Variants in TESK2 observed in about 807,000 individuals in gnomAD.
TESK2 encodes the protein testis associated actin remodelling kinase 2, also known as dual specificity testis-specific protein kinase 2.
A neutral mutation model predicts 57.1 loss-of-function variants in TESK2; 39 were observed. The ratio of observed to expected loss-of-function variants is 0.68; its 90% confidence interval spans 0.53 to 0.89. The LOEUF (loss-of-function observed/expected upper bound fraction) is 0.89. Ranked by LOEUF, TESK2 falls within the 40% of genes least tolerant of loss-of-function variation. The pLI is 0.00. For missense variants in TESK2, 646 were observed against 732.1 expected (o/e 0.88, Z 1.36); for synonymous variants, 249 against 267.9 (o/e 0.93, Z 0.69).
In TESK2 at chr1:45,368,080, C is replaced by T. The variant is rs188169579; in HGVS notation, c.394-12631G>A. On this transcript the variant is annotated intron_variant, in intron 4 of 10. Coordinates refer to ENST00000372086, the MANE Select transcript of TESK2 (RefSeq NM_007170.3). ...CGCGATCTTGGCTCACTGCAACCTCCGCCTCCTGGGTTCAAATGATTCTCC... is the reference window on the plus strand; with the variant it reads ...CGCGATCTTGGCTCACTGCAACCTCTGCCTCCTGGGTTCAAATGATTCTCC... 5.9e-3 allele frequency among the ~76,000 whole-genome samples: 871 copies of T among 148,830 alleles called. 9 individuals carry two copies. The highest frequency in any genetic ancestry group is 0.02 in the African/African-American group (826 of 40,408).
chr1:45,359,343 T>A (rs1419053600), intron 4 of TESK2, among the ~76,000 whole-genome samples: 1 of 151,932 alleles, frequency 6.6e-6, no homozygotes, highest in Non-Finnish European at 1.5e-5. Context: ...GCAGATCACC[T>A]AAGGTCAGGA....
intron 3 of TESK2, among the ~76,000 whole-genome samples, chr1:45,417,011 C>T (rs980312808): frequency 4.3e-4 from 66 of 151,906 alleles, no homozygotes; most frequent in African/African-American, 1.6e-3. Context: ...TGGTCTCGAT[C>T]TCTTGACCTC....
intron 9 of TESK2, among the ~76,000 whole-genome samples, chr1:45,346,229 T>C (rs1647141899): frequency 6.6e-6 from 1 of 152,308 alleles, no homozygotes; most frequent in Admixed American, 6.5e-5. Flanking sequence ...CTTCCAAAAG[T>C]ATGCTCATAT....
chr1:45,368,363 T>G (rs529172665), intron 4 of TESK2, among the ~76,000 whole-genome samples: 47 of 132,972 alleles, frequency 3.5e-4, no homozygotes, highest in African/African-American at 1.8e-3. Flanking sequence ...GTGTTTTTTG[T>G]TTTTTTTGGT....
intron 3 of TESK2, among the ~76,000 whole-genome samples, chr1:45,397,813 C>G (rs1190140119): frequency 6.6e-6 from 1 of 152,166 alleles, no homozygotes; most frequent in Non-Finnish European, 1.5e-5. Flanking sequence ...AAAAACTTGG[C>G]TCAAGAACAC....
intron 3 of TESK2, 43 bp downstream of exon 3, chr1:45,421,682 G>A: frequency 1.2e-6 from 2 of 1,611,388 alleles, no homozygotes; most frequent in Admixed American, 1.7e-5. Context: ...AGCCTCCAAT[G>A]TTTCAGTTTT....
At chr1:45,409,316 T>C (rs956409125) in intron 3 of TESK2, among the ~76,000 whole-genome samples, 6 of 152,130 alleles carry the variant, frequency 3.9e-5, no homozygotes, top group Non-Finnish European at 7.3e-5. Flanking sequence ...CAGAAATATA[T>C]CATATGATTC....
intron 2 of TESK2, among the ~76,000 whole-genome samples, chr1:45,452,342 A>G (rs997018723): frequency 3.9e-5 from 6 of 152,212 alleles, no homozygotes; most frequent in African/African-American, 1.2e-4. Flanking sequence ...GGCTTGAATA[A>G]GAAAGTATCT....
chr1:45,452,740 C>A (rs959983221), intron 2 of TESK2, among the ~76,000 whole-genome samples: 1 of 151,590 alleles, frequency 6.6e-6, no homozygotes, highest in African/African-American at 2.4e-5. Context: ...CATAGCAAGA[C>A]CCTGTCTCAA....
chr1:45,467,281 GTTAT>G (rs1379012701), intron 1 of TESK2, among the ~76,000 whole-genome samples: 3 of 151,522 alleles, frequency 2.0e-5, no homozygotes, highest in Non-Finnish European at 2.9e-5. Flanking sequence ...AATTCTGGGT[GTTAT>G]TTATTATACT....
intron 2 of TESK2, among the ~76,000 whole-genome samples, chr1:45,438,086 A>G (rs1272004784): frequency 6.6e-6 from 1 of 152,250 alleles, no homozygotes; most frequent in African/African-American, 2.4e-5. Context: ...TAAGTAGAAC[A>G]TCTACTATCT....
chr1:45,363,171 T>C (rs1647765075), intron 4 of TESK2, among the ~76,000 whole-genome samples: 1 of 152,242 alleles, frequency 6.6e-6, no homozygotes, highest in Non-Finnish European at 1.5e-5. Flanking sequence ...GTTTAGCTCA[T>C]AGTACACAAC....
At chr1:45,401,526 G>A (rs1649597268) in intron 3 of TESK2, among the ~76,000 whole-genome samples, 1 of 152,094 alleles carries the variant, frequency 6.6e-6, no homozygotes, top group African/African-American at 2.4e-5. Context: ...TGGGGCCACT[G>A]TATCAAAGCT....
At chr1:45,451,954 A>G (rs112170639) in intron 2 of TESK2, among the ~76,000 whole-genome samples, 4 of 149,316 alleles carry the variant, frequency 2.7e-5, no homozygotes, top group African/African-American at 9.9e-5. Context: ...AATCACTTGA[A>G]TCCGGGAGGC....
chr1:45,420,450 T>C (rs1483120018), intron 3 of TESK2, among the ~76,000 whole-genome samples: 1 of 151,996 alleles, frequency 6.6e-6, no homozygotes, highest in East Asian at 1.9e-4. Flanking sequence ...AGAGATGGGG[T>C]TTCACCATGT....
At chr1:45,377,037 T>C (rs982101796) in intron 4 of TESK2, among the ~76,000 whole-genome samples, 3 of 152,024 alleles carry the variant, frequency 2.0e-5, no homozygotes, top group Non-Finnish European at 4.4e-5. Context: ...CTGGGTGATA[T>C]AGTGAGACTC....
At chr1:45,393,551 G>A (rs1649231761) in intron 3 of TESK2, among the ~76,000 whole-genome samples, 1 of 152,112 alleles carries the variant, frequency 6.6e-6, no homozygotes, top group Admixed American at 6.6e-5. Flanking sequence ...GACCATCCTG[G>A]CCAACATGGT....
chr1:45,362,968 G>A (rs1397787008), intron 4 of TESK2, among the ~76,000 whole-genome samples: 1 of 152,046 alleles, frequency 6.6e-6, no homozygotes, highest in African/African-American at 2.4e-5. Flanking sequence ...AAAATTGTAT[G>A]AAAAGGTCAG....
At chr1:45,347,550 A>G (rs775151361) in intron 7 of TESK2, 59 bp downstream of exon 7, 17 of 1,502,944 alleles carry the variant, frequency 1.1e-5, no homozygotes, top group Non-Finnish European at 1.5e-5. Context: ...TAGTGAGACC[A>G]TCTCAAAAAA....
Sources: gnomAD v4.1 joint callset for allele counts (sites outside exome capture counted in the v4.1 genomes callset) on GRCh38, gnomAD v4.1.1 for gene constraint, MANE v1.5 for transcripts, NCBI Gene and HGNC (gene_info 2026-07-23, HGNC 2026-07-21) for gene names.